DNM2: variants seen among roughly 807,000 people sequenced by gnomAD.
The protein encoded by DNM2 is dynamin-2.
DNM2 carries 15 observed loss-of-function variants against 99.0 expected under a neutral mutation model. The observed-to-expected ratio is 0.15, with a 90% CI of 0.10 to 0.23. DNM2 has a LOEUF of 0.23. DNM2 is among the 10% of genes least tolerant of loss of function. DNM2 has a pLI of 1.00. For synonymous variants in DNM2, 525 were observed against 481.2 expected, an observed-to-expected ratio of 1.09 and a Z score of -1.19; for missense variants, 742 against 1,189.4, an observed-to-expected ratio of 0.62 and a Z score of 5.53.
chr19:10,767,020 G>T (rs2031721037), intron 2 of DNM2, among the ~76,000 whole-genome samples: 1 of 152,156 alleles, frequency 6.6e-6, no homozygotes, highest in African/African-American at 2.4e-5. Context: ...GGAATTACAG[G>T]AACTGGCTTT....
intron 1 of DNM2, among the ~76,000 whole-genome samples, chr19:10,731,321 A>G (rs561689402): frequency 2.0e-5 from 3 of 150,706 alleles, no homozygotes; most frequent in African/African-American, 7.3e-5. Context: ...CCACCAGGAC[A>G]CTGCCTTTCC....
intron 1 of DNM2, among the ~76,000 whole-genome samples, chr19:10,752,000 G>A (rs2070213521): frequency 6.6e-6 from 1 of 152,202 alleles, no homozygotes; most frequent in Non-Finnish European, 1.5e-5. Context: ...CTCCCCATTG[G>A]CCGGGGTCGG....
chr19:10,722,008 C>T (rs545256576), intron 1 of DNM2, among the ~76,000 whole-genome samples: 35 of 152,276 alleles, frequency 2.3e-4, no homozygotes, highest in African/African-American at 8.4e-4. Flanking sequence ...ATTTGGCGTT[C>T]TGGGCCTCAG....
At chr19:10,786,078 G>A (rs991875872) in intron 6 of DNM2, among the ~76,000 whole-genome samples, 1 of 152,210 alleles carries the variant, frequency 6.6e-6, no homozygotes, top group Non-Finnish European at 1.5e-5. Context: ...GGGATTGCAG[G>A]TGTGTACCAC....
rs183852031 is a variant in DNM2, at chr19:10,746,618, C to G, written c.162-13120C>G. Reference sequence around the variant, plus strand: ...TATTTTTAGTAGAGACGGGGTTTCTCCCTGTTGGTCAGGCTGGTCTCGAAC... The same window carrying G: ...TATTTTTAGTAGAGACGGGGTTTCTGCCTGTTGGTCAGGCTGGTCTCGAAC... On this transcript the variant is annotated intron_variant, in intron 1 of 20. Transcript: ENST00000389253. 4.8e-3 allele frequency among the ~76,000 whole-genome samples: 731 copies of G among 151,876 alleles called. 9 individuals are homozygous for G. The highest frequency in any genetic ancestry group is 0.017 in the African/African-American group (701 of 41,388).
chr19:10,777,764 T>G (rs2071202362), intron 5 of DNM2, among the ~76,000 whole-genome samples: 1 of 151,872 alleles, frequency 6.6e-6, no homozygotes, highest in African/African-American at 2.4e-5. Context: ...CCAGCTAGTT[T>G]TTGTATTTTT....
chr19:10,797,658 C>A, intron 10 of DNM2, 140 bp downstream of exon 10: 1 of 1,325,624 alleles, frequency 7.5e-7, no homozygotes. Flanking sequence ...ATGTCGCCAC[C>A]TTGCATTGGC....
At chr19:10,813,025 T>A (rs975620365) in intron 15 of DNM2, among the ~76,000 whole-genome samples, 12 of 152,220 alleles carry the variant, frequency 7.9e-5, no homozygotes, top group Admixed American at 2.0e-4. Flanking sequence ...GGCTCAGGCA[T>A]GCAGCCAGCC....
At chr19:10,828,723 T>C (rs2073231973) in intron 18 of DNM2, among the ~76,000 whole-genome samples, 1 of 152,042 alleles carries the variant, frequency 6.6e-6, no homozygotes, top group South Asian at 2.1e-4. Flanking sequence ...AAGAATCTCA[T>C]AACCAGCCTG....
intron 11 of DNM2, among the ~76,000 whole-genome samples, chr19:10,801,342 G>C (rs898516553): frequency 3.3e-5 from 5 of 151,840 alleles, no homozygotes; most frequent in South Asian, 2.1e-4. Context: ...CAAGGCAGTG[G>C]CTTGCAGTGG....
chr19:10,831,397 T>G lies in DNM2; in HGVS notation c.*350T>G, dbSNP rs1327781087. 3 of 1,064,184 alleles carry G rather than the reference T, an allele frequency of 2.8e-6. No homozygotes were observed. The African/African-American group carries it at 5.0e-5, about 18-fold the overall frequency. 65.9% of individuals were successfully genotyped at this position (1,064,184 alleles called of 1,614,324 possible). A position where few individuals can be genotyped will look rare whatever the true frequency, so the allele number is the denominator to read the frequency against. ...TCTTCTTGGGCTGGGAAAGCCCATG[T>G]AGGGCAGGCCTTCTATAAGTGCGGG... On this transcript the variant is annotated 3_prime_UTR_variant, in exon 21 of 21. Coordinates refer to ENST00000389253, the MANE Select transcript of DNM2 (RefSeq NM_001005361.3). The surrounding 1 kb of genome is among the most constrained non-coding windows in gnomAD (Gnocchi z 4.3).
At position 10,764,495 on chromosome 19, in the gene DNM2, C is replaced by T. The variant is rs1450194247; in HGVS notation, c.235+4684C>T. On this transcript the variant is annotated intron_variant, in intron 2 of 20. Coordinates refer to ENST00000389253, the MANE Select transcript of DNM2 (RefSeq NM_001005361.3). The surrounding 1 kb of genome is among the most constrained non-coding windows in gnomAD (Gnocchi z 4.1). ...TGGTGGCCCATGAGTGAACCCTGCC[C>T]TCACTGGGAAGCAGCCCCGTAAACT... Among the ~76,000 whole-genome samples, 3 of 152,228 alleles carry T rather than the reference C, an allele frequency of 2.0e-5. No homozygotes were observed. Among genetic ancestry groups the T allele is most frequent in the African/African-American group, 7.2e-5 (3 of 41,452 alleles).
chr19:10,778,019 T>TTGTATTTA (rs2071212743), intron 5 of DNM2, among the ~76,000 whole-genome samples: 1 of 138,176 alleles, frequency 7.2e-6, no homozygotes, highest in Non-Finnish European at 1.5e-5. Flanking sequence ...TATTTTTTCA[T>TTGTATTTA]TTTATTTATT....
At chr19:10,805,820 C>T (rs1249714744) in intron 12 of DNM2, 96 bp from the exon 13 acceptor site, 13 of 1,528,668 alleles carry the variant, frequency 8.5e-6, no homozygotes, top group Non-Finnish European at 1.2e-5. Context: ...TGGCTGCTCA[C>T]TTGGTCCCCA....
chr19:10,823,631 G>T lies in DNM2; in HGVS notation c.1782-157G>T. The T allele has an allele frequency of 7.4e-6, 5 of 674,876 alleles. No individual in the cohort carries two copies. The South Asian group carries it at 8.2e-5, about 11-fold the overall frequency. The allele number at this position is 674,876 out of a possible 1,614,324, so 41.8% of individuals were successfully genotyped here. A position where few individuals can be genotyped will look rare whatever the true frequency, so the allele number is the denominator to read the frequency against. Reference sequence around the variant, plus strand: ...GTGCACAGCGCTCTTCTGTGTAGGCGTCACTCACGGTGACCCCTCAGCATG... The same window carrying T: ...GTGCACAGCGCTCTTCTGTGTAGGCTTCACTCACGGTGACCCCTCAGCATG... On this transcript the variant is annotated intron_variant, in intron 16 of 20. Transcript: ENST00000389253.
At chr19:10,807,093 C>A (rs2072363050) in intron 13 of DNM2, among the ~76,000 whole-genome samples, 1 of 152,074 alleles carries the variant, frequency 6.6e-6, no homozygotes, top group African/African-American at 2.4e-5. Flanking sequence ...ATTATTTTGA[C>A]ACAGAGTCTC....
At chr19:10,781,302 G>A (rs1030349936) in intron 5 of DNM2, 1 of 152,230 alleles carries the variant, frequency 6.6e-6, no homozygotes, top group Non-Finnish European at 1.5e-5. Context: ...CAGGGATCTA[G>A]GTTCAGATCT....
At chr19:10,755,375 G>A (rs2070345269) in intron 1 of DNM2, 1 of 152,122 alleles carries the variant, frequency 6.6e-6, no homozygotes, top group African/African-American at 2.4e-5. Context: ...TGGAGCAGGG[G>A]CACTGTTGTG....
At chr19:10,787,524 T>C (rs1171175960) in intron 7 of DNM2, among the ~76,000 whole-genome samples, 6 of 151,148 alleles carry the variant, frequency 4.0e-5, no homozygotes, top group African/African-American at 9.7e-5. Context: ...CCTAGCACTT[T>C]GGGAGGCTGA....
Sources: allele counts gnomAD v4.1 joint callset (sites outside exome capture counted in the v4.1 genomes callset), GRCh38; gene constraint gnomAD v4.1.1; non-coding constraint Gnocchi (gnomAD v3.1); transcripts MANE v1.5; gene names NCBI Gene and HGNC (gene_info 2026-07-23, HGNC 2026-07-21).